Variants in RAB32 observed in about 807,000 individuals in gnomAD.
The protein encoded by RAB32 is ras-related protein Rab-32.
A neutral mutation model predicts 17.5 loss-of-function variants in RAB32; 17 were observed. The observed-to-expected ratio is 0.97, with a 90% confidence interval of 0.67 to 1.46. The LOEUF is 1.46. Ranked by LOEUF, RAB32 falls within the 40% of genes most tolerant of loss-of-function variation. The probability of loss-of-function intolerance (pLI) is 0.00; values close to 1 mark genes in which losing one functional copy is unlikely to be tolerated. For missense variants in RAB32, 288 were observed against 284.3 expected (o/e 1.01, Z -0.09); for synonymous variants, 115 against 111.1 (o/e 1.04, Z -0.22).
At position 146,554,544 on chromosome 6, in the gene RAB32, T is replaced by G; in HGVS notation, c.617T>G (p.Val206Gly). ...AGCTTTCCTAATGAAGAAAACGATG[T>G]GGACAAAATTAAGCTAGATCAAGAG... ...HQSFPNEEND[V>G]DKIKLDQETL... The change falls in exon 3 of 3, where the codon GTG (valine) becomes GGG (glycine). Residue 206 changes from valine to glycine, a missense_variant. By Grantham distance (109) the Val-to-Gly change is moderately radical. Transcript: ENST00000367495. 6.2e-7 allele frequency: 1 copy of G among 1,613,884 alleles called. No individual in the cohort carries two copies. The highest frequency in any genetic ancestry group is 8.5e-7 in the Non-Finnish European group (1 of 1,179,838).
At chr6:146,549,213 A>G (rs943551446) in intron 1 of RAB32, among the ~76,000 whole-genome samples, 2 of 152,174 alleles carry the variant, frequency 1.3e-5, no homozygotes, top group Admixed American at 1.3e-4. Context: ...AAATATTGTC[A>G]TATTGGTTTT....
In RAB32 at chr6:146,544,014, AGCTCTTCT is replaced by A; in HGVS notation, c.144_151del (p.Gln48HisfsTer57). On this transcript the variant is annotated frameshift_variant, in exon 1 of 3. Coordinates refer to ENST00000367495, the MANE Select transcript of RAB32 (RefSeq NM_006834.5). LOFTEE classifies it high-confidence loss of function. Reference sequence around the variant, plus strand: ...AGCATCATCAAGCGCTACGTCCACCAGCTCTTCTCCCAGCACTACCGGGCCACCATCGG... The same window carrying A: ...AGCATCATCAAGCGCTACGTCCACCACCCAGCACTACCGGGCCACCATCGG... 1 of 1,613,790 alleles carries A rather than the reference AGCTCTTCT, an allele frequency of 6.2e-7. No homozygotes were observed.
rs1317289203 is a variant in RAB32 at position 146,549,877 on chromosome 6, T to C, written c.528+136T>C. The C allele has an allele frequency of 4.8e-6, 5 of 1,043,530 alleles. No individual in the cohort carries two copies. In the African/African-American group the frequency reaches 6.5e-5, roughly 13 times the overall value. 64.6% of individuals were successfully genotyped at this position (1,043,530 alleles called of 1,614,324 possible). ...TGAGAAGTGTAGCATGGATGTGTTA[T>C]AGCTTCTTTCAGTCCACAACAGGAC... On this transcript the variant is annotated intron_variant, in intron 2 of 2. Transcript: ENST00000367495.
intron 2 of RAB32, among the ~76,000 whole-genome samples, chr6:146,553,915 T>C (rs1779926866): frequency 6.6e-6 from 1 of 152,206 alleles, no homozygotes; most frequent in African/African-American, 2.4e-5. Context: ...CTGTGACGGC[T>C]AATAATTCCT....
intron 2 of RAB32, among the ~76,000 whole-genome samples, chr6:146,551,325 T>A (rs1562731533): frequency 6.6e-6 from 1 of 152,142 alleles, no homozygotes; most frequent in Non-Finnish European, 1.5e-5. Context: ...AAAGCCTTCT[T>A]ATAGAGAAGT....
At chr6:146,548,144 A>G (rs1035402169) in intron 1 of RAB32, among the ~76,000 whole-genome samples, 2 of 152,204 alleles carry the variant, frequency 1.3e-5, no homozygotes, top group African/African-American at 4.8e-5. Flanking sequence ...TCACAATAAA[A>G]TATGAGCATA....
At chr6:146,548,032 G>C (rs1227663576) in intron 1 of RAB32, among the ~76,000 whole-genome samples, 1 of 152,146 alleles carries the variant, frequency 6.6e-6, no homozygotes, top group Non-Finnish European at 1.5e-5. Flanking sequence ...AATGCATATA[G>C]TCTTTCTGCA....
chr6:146,544,597 C>T (rs1218520693), intron 1 of RAB32, among the ~76,000 whole-genome samples: 1 of 151,968 alleles, frequency 6.6e-6, no homozygotes, highest in Admixed American at 6.6e-5. Flanking sequence ...CACCACCCGC[C>T]TTGGCTCTGA....
intron 2 of RAB32, among the ~76,000 whole-genome samples, chr6:146,552,771 G>T (rs1779912732): frequency 6.6e-6 from 1 of 152,156 alleles, no homozygotes; most frequent in African/African-American, 2.4e-5. Flanking sequence ...CCAGTAAAAA[G>T]AATGGGAATC....
chr6:146,551,592 G>GAAA (rs35080011), intron 2 of RAB32, among the ~76,000 whole-genome samples: 43 of 144,738 alleles, frequency 3.0e-4, no homozygotes, highest in African/African-American at 2.3e-4. Flanking sequence ...GTAAAAAGAC[G>GAAA]AAAAAAAAAA....
chr6:146,554,366 C>T, intron 2 of RAB32, 90 bp from the exon 3 acceptor site: 1 of 1,368,972 alleles, frequency 7.3e-7, no homozygotes, highest in Non-Finnish European at 9.8e-7. Context: ...CCACCTCTAA[C>T]AAATTTTCCT....
At chr6:146,544,195 TC>T (rs1779791955) in intron 1 of RAB32, 74 bp downstream of exon 1, 2 of 1,483,780 alleles carry the variant, frequency 1.3e-6, no homozygotes, top group African/African-American at 1.4e-5. Flanking sequence ...CTTTTCTTTT[TC>T]TTTTCTGCCT....
chr6:146,553,879 T>G (rs1779926357), intron 2 of RAB32, among the ~76,000 whole-genome samples: 1 of 152,232 alleles, frequency 6.6e-6, no homozygotes, highest in Admixed American at 6.5e-5. Flanking sequence ...TATTTAATGA[T>G]AACTTATAAT....
chr6:146,548,764 A>G (rs1188724278), intron 1 of RAB32, among the ~76,000 whole-genome samples: 1 of 152,258 alleles, frequency 6.6e-6, no homozygotes, highest in Non-Finnish European at 1.5e-5. Context: ...AACGCTTTGC[A>G]AAGTCCTATA....
chr6:146,547,113 A>G (rs1286297753), intron 1 of RAB32, among the ~76,000 whole-genome samples: 1 of 152,200 alleles, frequency 6.6e-6, no homozygotes. Context: ...GAAATATACT[A>G]AAATCTTGAA....
intron 2 of RAB32, among the ~76,000 whole-genome samples, chr6:146,553,717 T>G (rs1779924144): frequency 6.6e-6 from 1 of 152,230 alleles, no homozygotes; most frequent in South Asian, 2.1e-4. Context: ...TGTATTCTGG[T>G]TATCTAAGAT....
intron 1 of RAB32, among the ~76,000 whole-genome samples, chr6:146,548,598 G>A (rs1269563572): frequency 6.6e-6 from 1 of 152,176 alleles, no homozygotes; most frequent in Non-Finnish European, 1.5e-5. Flanking sequence ...TTCTATAGGT[G>A]TGTGGGAGTC....
chr6:146,551,738 C>T (rs916209562), intron 2 of RAB32, among the ~76,000 whole-genome samples: 6 of 152,092 alleles, frequency 3.9e-5, no homozygotes, highest in South Asian at 2.1e-4. Flanking sequence ...AGATGTAAGA[C>T]GTCATGTGAC....
chr6:146,546,443 C>A (rs199980992), intron 1 of RAB32, among the ~76,000 whole-genome samples: 123 of 146,198 alleles, frequency 8.4e-4, no homozygotes, highest in Non-Finnish European at 1.1e-3. Flanking sequence ...AAAAAAAAAA[C>A]AAAAAAAACT....
Sources: allele counts gnomAD v4.1 joint callset (sites outside exome capture counted in the v4.1 genomes callset), GRCh38; gene constraint gnomAD v4.1.1; transcripts MANE v1.5; gene names NCBI Gene and HGNC (gene_info 2026-07-23, HGNC 2026-07-21).